The following TANC1 variants were observed in gnomAD, a reference collection of about 807,000 sequenced individuals.
The protein encoded by TANC1 is protein TANC1.
TANC1 carries 77 observed loss-of-function variants against 149.7 expected under a neutral mutation model. The ratio of observed to expected loss-of-function variants is 0.51; its 90% CI spans 0.43 to 0.62. The LOEUF (loss-of-function observed/expected upper bound fraction) is 0.62. Ranked by LOEUF, TANC1 falls within the 20% of genes least tolerant of loss-of-function variation. The pLI is 0.00. For synonymous variants in TANC1, 854 were observed against 925.0 expected (o/e 0.92, Z 1.39); for missense variants, 1,985 against 2,321.8 (o/e 0.85, Z 2.98).
intron 2 of TANC1, among the ~76,000 whole-genome samples, chr2:159,037,113 G>A (rs967782838): frequency 2.6e-5 from 4 of 152,114 alleles, no homozygotes; most frequent in Admixed American, 2.0e-4. Flanking sequence ...ATGACCAGTG[G>A]ATGATGAGCA....
At chr2:159,073,020 C>G (rs2043295118) in intron 3 of TANC1, among the ~76,000 whole-genome samples, 1 of 152,178 alleles carries the variant, frequency 6.6e-6, no homozygotes. Context: ...ACCTTTTAAC[C>G]TCTATGAAGT....
chr2:159,162,005 T>A (rs1035592742), intron 7 of TANC1, among the ~76,000 whole-genome samples: 3 of 152,212 alleles, frequency 2.0e-5, no homozygotes, highest in Non-Finnish European at 4.4e-5. Flanking sequence ...TGGGATTTTT[T>A]AAAATAGGCA....
At chr2:159,057,767 G>A (rs1205136444) in intron 2 of TANC1, among the ~76,000 whole-genome samples, 1 of 152,222 alleles carries the variant, frequency 6.6e-6, no homozygotes, top group Non-Finnish European at 1.5e-5. Flanking sequence ...GGTGAAGGAA[G>A]CAGGTGTATA....
rs148089619 is a variant in TANC1, at chr2:159,105,914, G to A, written c.259+8080G>A. 2.7e-3 allele frequency among the ~76,000 whole-genome samples: 408 copies of A among 151,332 alleles called. 1 individual carries two copies. Among genetic ancestry groups the A allele is most frequent in the African/African-American group, 9.7e-3 (399 of 41,250 alleles). On this transcript the variant is annotated intron_variant, in intron 4 of 26. Transcript: ENST00000263635. ...CCTTTATTCTACTAGGACAATATGT[G>A]TTTCTTATTGATTTAGCACAGCTTC...
In TANC1 at chr2:159,231,229, A is replaced by C; in HGVS notation, c.*217A>C. The C allele has an allele frequency of 2.1e-6, 1 of 477,944 alleles. No individual in the cohort carries two copies. The highest frequency in any genetic ancestry group is 3.7e-6 in the Non-Finnish European group (1 of 271,496). 29.6% of individuals were successfully genotyped at this position (477,944 alleles called of 1,614,324 possible). On this transcript the variant is annotated 3_prime_UTR_variant, in exon 27 of 27. Transcript: ENST00000263635. ...GCTAAACAGAATTGAAAATTATATCAACTTAAAATTTTAAGACAGCCCAGA... is the reference window on the plus strand; with the variant it reads ...GCTAAACAGAATTGAAAATTATATCCACTTAAAATTTTAAGACAGCCCAGA...
At chr2:159,222,609 A>G (rs974384297) in intron 22 of TANC1, among the ~76,000 whole-genome samples, 3 of 152,210 alleles carry the variant, frequency 2.0e-5, no homozygotes, top group African/African-American at 7.2e-5. Flanking sequence ...TTGTACGTAT[A>G]CACCACATCT....
At chr2:159,097,918 C>A in intron 4 of TANC1, 84 bp downstream of exon 4, 1 of 1,158,076 alleles carries the variant, frequency 8.6e-7, no homozygotes. Flanking sequence ...CATGAGAAAT[C>A]TTCTGGGACA....
intron 2 of TANC1, among the ~76,000 whole-genome samples, chr2:159,024,333 C>G (rs2039077905): frequency 6.6e-6 from 1 of 152,164 alleles, no homozygotes; most frequent in Non-Finnish European, 1.5e-5. Flanking sequence ...GTACAGTGTT[C>G]ATAAAGTCTA....
chr2:159,201,188 G>A (rs996186164), intron 19 of TANC1, among the ~76,000 whole-genome samples: 2 of 152,126 alleles, frequency 1.3e-5, no homozygotes, highest in African/African-American at 4.8e-5. Flanking sequence ...ACTGCCCCAA[G>A]CCTTCCTACT....
intron 10 of TANC1, among the ~76,000 whole-genome samples, chr2:159,171,237 A>G (rs1340559264): frequency 1.3e-5 from 2 of 152,258 alleles, no homozygotes; most frequent in African/African-American, 4.8e-5. Context: ...GACATAGGAT[A>G]GAGTAGCCAA....
chr2:159,036,887 G>A (rs998423287), intron 2 of TANC1, among the ~76,000 whole-genome samples: 1 of 152,164 alleles, frequency 6.6e-6, no homozygotes, highest in Admixed American at 6.5e-5. Flanking sequence ...TAATGGGATG[G>A]CTGGGTCAAA....
intron 5 of TANC1, among the ~76,000 whole-genome samples, chr2:159,143,551 CAAAAAAAAAAAAA>C (rs56992262): frequency 1.5e-5 from 1 of 67,300 alleles, no homozygotes; most frequent in Admixed American, 2.2e-4. Flanking sequence ...GACCCCATCT[CAAAAAAAAAAAAA>C]AAAAAAAAAA....
At chr2:159,019,869 G>T (rs990686143) in intron 2 of TANC1, among the ~76,000 whole-genome samples, 1 of 151,762 alleles carries the variant, frequency 6.6e-6, no homozygotes, top group African/African-American at 2.4e-5. Context: ...CTCCCGAAGT[G>T]TTGGGATTTC....
At chr2:159,011,689 C>G (rs1014610602) in intron 2 of TANC1, among the ~76,000 whole-genome samples, 6 of 152,068 alleles carry the variant, frequency 3.9e-5, no homozygotes, top group Non-Finnish European at 8.8e-5. Context: ...GTGCACACCA[C>G]CATGCCTGGT....
chr2:159,199,100 T>G (rs1245928358), intron 19 of TANC1, 47 bp downstream of exon 19: 1 of 1,486,732 alleles, frequency 6.7e-7, no homozygotes, highest in Admixed American at 1.7e-5. Context: ...TTGCTTGATG[T>G]TTTAGCCCTA....
intron 17 of TANC1, 46 bp from the exon 18 acceptor site, chr2:159,196,562 G>A: frequency 6.6e-7 from 1 of 1,526,474 alleles, no homozygotes; most frequent in Non-Finnish European, 8.9e-7. Flanking sequence ...CATGCTCAGA[G>A]GCAAAGTAAT....
intron 1 of TANC1, among the ~76,000 whole-genome samples, chr2:158,975,760 T>C (rs1407824324): frequency 6.6e-6 from 1 of 151,862 alleles, no homozygotes; most frequent in East Asian, 1.9e-4. Flanking sequence ...AGCTGCTGAT[T>C]AGCCAGCCCT....
At chr2:159,004,023 A>G in intron 2 of TANC1, 1 of 1,612,384 alleles carries the variant, frequency 6.2e-7, no homozygotes, top group Non-Finnish European at 8.5e-7. Flanking sequence ...GGTGAACATG[A>G]TTAAAGATGA....
chr2:159,097,744 G>A lies in TANC1; in HGVS notation c.169G>A (p.Ala57Thr). The change falls in exon 4 of 27, where the codon GCC (alanine) becomes ACC (threonine). Residue 57 changes from alanine to threonine, a missense_variant. By Grantham distance (58) the Ala-to-Thr change is moderately conservative (BLOSUM62 0). Transcript: ENST00000263635. ...TAEDTYRVSL[A>T]KGVSMSLPSS... is the part of the protein sequence containing the mutation. ...AGAGGACACCTATAGGGTGAGCTTG[G>A]CCAAAGGTGTCTCGATGTCTCTGCC... 20 of 1,614,038 alleles carry A rather than the reference G, an allele frequency of 1.2e-5. No homozygotes were observed. The highest frequency in any genetic ancestry group is 1.7e-5 in the Non-Finnish European group (20 of 1,180,002).
Sources: gnomAD v4.1 joint callset for allele counts (sites outside exome capture counted in the v4.1 genomes callset) on GRCh38, gnomAD v4.1.1 for gene constraint, MANE v1.5 for transcripts, NCBI Gene and HGNC (gene_info 2026-07-23, HGNC 2026-07-21) for gene names.